The following FUZ variants were observed in gnomAD, a reference collection of about 807,000 sequenced individuals.
FUZ encodes fuzzy planar cell polarity protein, also known as protein fuzzy homolog.
A neutral mutation model predicts 43.1 loss-of-function variants in FUZ; 31 were observed. That is an observed-to-expected ratio of 0.72 (90% confidence interval 0.54 to 0.97). The LOEUF is 0.97. FUZ is among the 50% of genes least tolerant of loss of function. FUZ has a pLI of 0.00. For missense variants in FUZ, 539 were observed against 543.8 expected (o/e 0.99, Z 0.09); for synonymous variants, 274 against 250.0 (o/e 1.10, Z -0.91).
Position 49,808,507 on chromosome 19 carries a change from G to A in FUZ, c.959-19C>T, listed in dbSNP as rs928391219. 8.1e-6 allele frequency: 13 copies of A among 1,607,644 alleles called. No individual in the cohort carries two copies. Among genetic ancestry groups the A allele is most frequent in the African/African-American group, 1.3e-5 (1 of 74,836 alleles). On this transcript the variant is annotated intron_variant, in intron 9 of 10. Transcript: ENST00000313777. ...GAAGGCTCTGCTGGGAGGAAAAGGC[G>A]GTGATGCAGAGCGCCTCCCCGGCCC...
chr19:49,808,874 G>A (rs998971930), intron 7 of FUZ, 51 bp from the exon 8 acceptor site: 8 of 1,386,024 alleles, frequency 5.8e-6, no homozygotes, highest in Admixed American at 3.9e-5. Flanking sequence ...CGGGGCCGGC[G>A]GGGGAGGTCG....
At position 49,809,111 on chromosome 19, in the gene FUZ, C is replaced by G; in HGVS notation, c.786+52G>C. ...CAGGGCAGGGTGGTGGGGAAGGGCC[C>G]TCCTGGTAGCGGGTGTCCTAAGAGC... On this transcript the variant is annotated intron_variant, in intron 7 of 10. Transcript: ENST00000313777. This position sits in a 1 kb window ranked among gnomAD's most constrained non-coding sequence, Gnocchi z 5.1. The G allele has an allele frequency of 6.7e-7, 1 of 1,503,200 alleles. No homozygotes were observed. Among genetic ancestry groups the G allele is most frequent in the Non-Finnish European group, 9.1e-7 (1 of 1,103,940 alleles). The allele number at this position is 1,503,200 out of a possible 1,614,324, so 93.1% of individuals were successfully genotyped here. A position where few individuals can be genotyped will look rare whatever the true frequency, so the allele number is the denominator to read the frequency against.
At chr19:49,812,480 G>A in intron 2 of FUZ, 135 bp downstream of exon 2, 1 of 1,374,992 alleles carries the variant, frequency 7.3e-7, no homozygotes, top group South Asian at 1.2e-5. Context: ...AGGGATCAAA[G>A]AGGGTAACTG....
At chr19:49,811,067 C>T in intron 5 of FUZ, 1 of 443,410 alleles carries the variant, frequency 2.3e-6, no homozygotes, top group Non-Finnish European at 4.2e-6. Context: ...AGGAGAATTA[C>T]TTGAACCCGG....
At chr19:49,808,148 C>T (rs891535815) in intron 10 of FUZ, 53 of 545,796 alleles carry the variant, frequency 9.7e-5, no homozygotes, top group African/African-American at 7.8e-4. Flanking sequence ...TCTTTCATTA[C>T]GTGTAAAGGC....
upstream of FUZ, chr19:49,813,299 C>T: frequency 1.5e-6 from 1 of 687,870 alleles, no homozygotes. Flanking sequence ...AGGCACCTCC[C>T]CCAAACCCAT....
At chr19:49,810,837 A>T (rs1415571476) in intron 5 of FUZ, among the ~76,000 whole-genome samples, 5 of 151,674 alleles carry the variant, frequency 3.3e-5, no homozygotes, top group African/African-American at 9.7e-5. Flanking sequence ...ATGACAGAGC[A>T]AGACCCTGTC....
intron 5 of FUZ, 111 bp downstream of exon 5, chr19:49,811,251 TG>T: frequency 1.3e-6 from 1 of 745,006 alleles, no homozygotes; most frequent in Non-Finnish European, 2.4e-6. Flanking sequence ...GGGATAGGAC[TG>T]GAAGCTGAGA....
Position 49,812,981 on chromosome 19 carries a change from C to A in FUZ, c.111+15G>T, listed in dbSNP as rs1385644649. The A allele has an allele frequency of 2.5e-5, 39 of 1,545,332 alleles. No individual in the cohort carries two copies. The highest frequency in any genetic ancestry group is 3.6e-5 in the South Asian group (3 of 83,956). ...GAACCCCCTTCGGTTTAGATACAGG[C>A]GTCCAAGGCCCCACCTGCTGACGGG... is the stretch of plus-strand genomic sequence containing the variant. On this transcript the variant is annotated intron_variant, in intron 1 of 10. Transcript: ENST00000313777.
intron 5 of FUZ, chr19:49,810,948 G>A (rs576019994): frequency 1.5e-4 from 50 of 341,758 alleles, no homozygotes; most frequent in Admixed American, 3.9e-4. Flanking sequence ...TAAGAAGTTC[G>A]AGACCAGCTT....
rs1277722587 is a variant in FUZ at position 49,813,226 on chromosome 19, A to C, written c.-120T>G. ...CGCCAGAGGGCGAGATGGGGAGCTG[A>C]TTGGAAGAGGATTAACTTCCCGCCT... On this transcript the variant is annotated 5_prime_UTR_variant, in exon 1 of 11. Transcript: ENST00000313777. 2 of 899,962 alleles carry C rather than the reference A, an allele frequency of 2.2e-6. No individual in the cohort carries two copies. The highest frequency in any genetic ancestry group is 4.0e-5 in the Admixed American group (2 of 50,234). 55.7% of individuals were successfully genotyped at this position (899,962 alleles called of 1,614,324 possible). A position where few individuals can be genotyped will look rare whatever the true frequency, so the allele number is the denominator to read the frequency against.
chr19:49,808,035 A>G (rs1488645296), intron 10 of FUZ: 3 of 365,936 alleles, frequency 8.2e-6, no homozygotes, highest in Non-Finnish European at 1.6e-5. Context: ...GTGTTCAAAT[A>G]TGGCTCTGCC....
chr19:49,806,909 ATTTTTG>A lies in FUZ; in HGVS notation c.*236_*241del, dbSNP rs1454920673. ...CTTTCCTCCGGCCTTTTGTATTTTT[ATTTTTG>A]TTCATCTGCTGCTGTTTACATTCTG... On this transcript the variant is annotated 3_prime_UTR_variant, in exon 11 of 11. Transcript: ENST00000313777. 6.5e-7 allele frequency: 1 copy of A among 1,536,114 alleles called. No individual in the cohort carries two copies. Among genetic ancestry groups the A allele is most frequent in the Non-Finnish European group, 8.7e-7 (1 of 1,147,040 alleles).
In FUZ at chr19:49,811,357, C is replaced by A; in HGVS notation, c.492+6G>T. ...GGTGTAAGAGTTTCCATAGCATCCC[C>A]AGTACCTGCAAGAGGGACCCCTCTG... On this transcript the variant is annotated splice_donor_region_variant and intron_variant, in intron 5 of 10. Coordinates refer to ENST00000313777, the MANE Select transcript of FUZ (RefSeq NM_025129.5). 6.3e-7 allele frequency: 1 copy of A among 1,588,406 alleles called. No homozygotes were observed. Among genetic ancestry groups the A allele is most frequent in the Non-Finnish European group, 8.6e-7 (1 of 1,163,034 alleles).
At chr19:49,812,476 CAA>C in intron 2 of FUZ, 137 bp downstream of exon 2, 1 of 1,367,672 alleles carries the variant, frequency 7.3e-7, no homozygotes. Context: ...CATCAGGGAT[CAA>C]AGAGGGTAAC....
chr19:49,807,419 AC>A, intron 10 of FUZ, 45 bp from the exon 11 acceptor site: 1 of 1,546,610 alleles, frequency 6.5e-7, no homozygotes, highest in Non-Finnish European at 8.8e-7. Context: ...TAGCATGCTA[AC>A]CTTTGCAAGC....
In FUZ at chr19:49,812,318, A is replaced by G; in HGVS notation, c.251T>C (p.Leu84Pro). 6.2e-7 allele frequency: 1 copy of G among 1,613,968 alleles called. No homozygotes were observed. Among genetic ancestry groups the G allele is most frequent in the East Asian group, 2.2e-5 (1 of 44,880 alleles). Reference protein sequence around the residue: ...SFHDSITLIVLSSEVGISELR... With the variant: ...SFHDSITLIVPSSEVGISELR... ...CTCAGAGATGCCCACCTCAGATGAC[A>G]GAACAATGAGGGTGATGCTGTGGAA... The change falls in exon 3 of 11, where the codon CTG becomes CCG. Residue 84 changes from leucine (L) to proline (P), a missense_variant. Physicochemically the swap from Leu to Pro is moderately conservative, Grantham distance 98. Coordinates refer to ENST00000313777, the MANE Select transcript of FUZ (RefSeq NM_025129.5).
intron 10 of FUZ, 90 bp downstream of exon 10, chr19:49,808,324 T>C: frequency 3.0e-6 from 4 of 1,348,700 alleles, no homozygotes; most frequent in Non-Finnish European, 4.1e-6. Context: ...TTCCTCCGGA[T>C]CCTCCAACCC....
At chr19:49,812,166 G>A (rs8104825) in intron 3 of FUZ, 85 bp downstream of exon 3, 375,579 of 873,200 alleles carry the variant, frequency 0.43, 83,094 homozygotes, top group Middle Eastern at 0.57. Context: ...AAGTGTTGGT[G>A]GTCTGCACTC....
Sources: gnomAD v4.1 joint callset for allele counts (sites outside exome capture counted in the v4.1 genomes callset) on GRCh38, gnomAD v4.1.1 for gene constraint, Gnocchi (gnomAD v3.1) non-coding constraint, MANE v1.5 for transcripts, NCBI Gene and HGNC (gene_info 2026-07-23, HGNC 2026-07-21) for gene names.